The following ENDOD1 variants were observed in gnomAD, a reference collection of about 807,000 sequenced individuals.
ENDOD1 encodes the protein endonuclease domain-containing 1 protein.
A neutral mutation model predicts 6.5 loss-of-function variants in ENDOD1; 9 were observed. The observed-to-expected ratio is 1.39, with a 90% CI of 0.84 to 2.43. The LOEUF (loss-of-function observed/expected upper bound fraction) is 2.43. ENDOD1 is among the 30% of genes most tolerant of loss of function. The probability of loss-of-function intolerance (pLI) is 0.00; values close to 1 mark genes in which losing one functional copy is unlikely to be tolerated. For missense variants in ENDOD1, 648 were observed against 635.5 expected (o/e 1.02, Z -0.21); for synonymous variants, 255 against 255.2 (o/e 1.00, Z 0.01).
At chr11:95,090,668 A>C (rs1858921869) in intron 1 of ENDOD1, among the ~76,000 whole-genome samples, 1 of 152,170 alleles carries the variant, frequency 6.6e-6, no homozygotes, top group Non-Finnish European at 1.5e-5. Flanking sequence ...GTAGGTGGGC[A>C]TTTTCATCCC....
Position 95,090,236 on chromosome 11 carries a change from A to C in ENDOD1, c.300+9A>C, listed in dbSNP as rs747429949. On this transcript the variant is annotated intron_variant, in intron 1 of 1. Coordinates refer to ENST00000278505, the MANE Select transcript of ENDOD1 (RefSeq NM_015036.3). ...GGCTGGTGGAGCCGCAGGTAAGCGAAGTGGTTCCCGAGCCGGGCTGCGGGC... is the reference window on the plus strand; with the variant it reads ...GGCTGGTGGAGCCGCAGGTAAGCGACGTGGTTCCCGAGCCGGGCTGCGGGC... The C allele has an allele frequency of 7.3e-7, 1 of 1,372,242 alleles. No individual in the cohort carries two copies. Among genetic ancestry groups the C allele is most frequent in the Non-Finnish European group, 9.5e-7 (1 of 1,056,376 alleles). 85.0% of individuals were successfully genotyped at this position (1,372,242 alleles called of 1,614,324 possible).
At position 95,129,503 on chromosome 11, in the gene ENDOD1, G is replaced by T. The variant is rs747290260; in HGVS notation, c.1427G>T (p.Gly476Val). 6.2e-7 allele frequency: 1 copy of T among 1,614,174 alleles called. No individual in the cohort carries two copies. The highest frequency in any genetic ancestry group is 1.1e-5 in the South Asian group (1 of 91,090). The change falls in exon 2 of 2, where the codon GGC becomes GTC. Residue 476 changes from glycine to valine, a missense_variant. Gly to Val is a moderately radical substitution (Grantham distance 109). Coordinates refer to ENST00000278505, the MANE Select transcript of ENDOD1 (RefSeq NM_015036.3). Reference sequence around the variant, plus strand: ...GACACTGCTTTTGGTACCCTGGGTGGCCTATTTCAGGTGGTTTTTAGTGTC... The same window carrying T: ...GACACTGCTTTTGGTACCCTGGGTGTCCTATTTCAGGTGGTTTTTAGTGTC... ...LFDTAFGTLG[G>V]LFQVVFSVCK...
chr11:95,128,593 C>CG lies in ENDOD1; in HGVS notation c.519dup (p.Trp174ValfsTer37). The stretch of plus-strand genomic sequence containing the variant: ...CCCAATGACTCAGTCCTTCCAGGAA[C>CG]GGTGGTATGTGAATCTCCACAGCCT... On this transcript the variant is annotated frameshift_variant, in exon 2 of 2. Coordinates refer to ENST00000278505, the MANE Select transcript of ENDOD1 (RefSeq NM_015036.3). LOFTEE classifies it low-confidence loss of function (END_TRUNC). The CG allele has an allele frequency of 6.2e-7, 1 of 1,614,220 alleles. No individual in the cohort carries two copies. The highest frequency in any genetic ancestry group is 8.5e-7 in the Non-Finnish European group (1 of 1,180,042).
In ENDOD1 at chr11:95,128,828, T is replaced by TA. The variant is rs866434825; in HGVS notation, c.756dup (p.Asp253ArgfsTer9). The TA allele has an allele frequency of 6.2e-7, 1 of 1,614,020 alleles. No individual in the cohort carries two copies. Among genetic ancestry groups the TA allele is most frequent in the Non-Finnish European group, 8.5e-7 (1 of 1,180,040 alleles). On this transcript the variant is annotated frameshift_variant, in exon 2 of 2. Coordinates refer to ENST00000278505, the MANE Select transcript of ENDOD1 (RefSeq NM_015036.3). LOFTEE classifies it low-confidence loss of function (END_TRUNC). ...AGTGACATCATAGAAGATGTGATGG[T>TA]AAAAGATCTTCAGAAACTGCTTCCA...
At chr11:95,100,866 T>G (rs1373408865) in intron 1 of ENDOD1, among the ~76,000 whole-genome samples, 2 of 7,306 alleles carry the variant, frequency 2.7e-4, no homozygotes, top group South Asian at 3.5e-3. Flanking sequence ...CTGCTGGGTG[T>G]TTTTTTTTTT....
At chr11:95,097,405 T>C (rs1008848091) in intron 1 of ENDOD1, among the ~76,000 whole-genome samples, 1 of 152,132 alleles carries the variant, frequency 6.6e-6, no homozygotes, top group African/African-American at 2.4e-5. Flanking sequence ...GGCATGAGTG[T>C]GTTGAGGAAG....
intron 1 of ENDOD1, among the ~76,000 whole-genome samples, chr11:95,119,805 G>C (rs1471423929): frequency 6.6e-6 from 1 of 152,150 alleles, no homozygotes; most frequent in African/African-American, 2.4e-5. Context: ...TGGGAGCCAG[G>C]GACTAGAGTC....
chr11:95,112,823 T>C (rs1369103423), intron 1 of ENDOD1, among the ~76,000 whole-genome samples: 3 of 152,236 alleles, frequency 2.0e-5, no homozygotes, highest in Admixed American at 6.5e-5. Flanking sequence ...ATGCTGTTGC[T>C]TTTCTTTTGA....
chr11:95,095,269 A>G (rs1405021319), intron 1 of ENDOD1, among the ~76,000 whole-genome samples: 2 of 151,272 alleles, frequency 1.3e-5, no homozygotes, highest in East Asian at 3.9e-4. Flanking sequence ...TGAGTGATTA[A>G]AAGCAAAAAC....
intron 1 of ENDOD1, among the ~76,000 whole-genome samples, chr11:95,099,513 C>T (rs531089663): frequency 2.0e-5 from 3 of 152,240 alleles, no homozygotes; most frequent in African/African-American, 7.2e-5. Context: ...ATCCATCATC[C>T]AGCCCTAGTC....
At chr11:95,102,838 T>C (rs1490287698) in intron 1 of ENDOD1, among the ~76,000 whole-genome samples, 1 of 152,226 alleles carries the variant, frequency 6.6e-6, no homozygotes, top group Non-Finnish European at 1.5e-5. Flanking sequence ...AGGGTGAATT[T>C]TGCCAGTTGG....
chr11:95,122,887 T>A (rs1351144419), intron 1 of ENDOD1, among the ~76,000 whole-genome samples: 2 of 152,140 alleles, frequency 1.3e-5, no homozygotes. Context: ...TCAGTTAGTA[T>A]GGTATTAAAA....
intron 1 of ENDOD1, among the ~76,000 whole-genome samples, chr11:95,109,067 AC>A (rs1423466683): frequency 4.6e-5 from 7 of 152,212 alleles, no homozygotes; most frequent in Non-Finnish European, 8.8e-5. Context: ...AAATGGGAAC[AC>A]CCACTGTTCA....
intron 1 of ENDOD1, among the ~76,000 whole-genome samples, chr11:95,098,340 G>A (rs1399805282): frequency 2.0e-5 from 3 of 152,128 alleles, no homozygotes; most frequent in African/African-American, 7.2e-5. Context: ...TTCATATTAA[G>A]TTTTCTTAAT....
chr11:95,097,531 AT>A (rs1858998173), intron 1 of ENDOD1, among the ~76,000 whole-genome samples: 1 of 152,174 alleles, frequency 6.6e-6, no homozygotes, highest in Non-Finnish European at 1.5e-5. Context: ...TTTGTAAAAT[AT>A]TGGGGTTTTA....
At position 95,089,951 on chromosome 11, in the gene ENDOD1, G is replaced by T; in HGVS notation, c.24G>T (p.Ala8=). The part of the protein sequence containing the change: MGTARWL[A]LGSLFALAGL... ...CCATGGGCACCGCGCGCTGGCTCGC[G>T]CTGGGCAGCCTCTTCGCCCTGGCTG... Residue 8 remains alanine, a synonymous_variant, in exon 1 of 2, where the codon GCG becomes GCT. Coordinates refer to ENST00000278505, the MANE Select transcript of ENDOD1 (RefSeq NM_015036.3). 6.7e-7 allele frequency: 1 copy of T among 1,481,984 alleles called. No individual in the cohort carries two copies. The highest frequency in any genetic ancestry group is 1.7e-4 in the Middle Eastern group (1 of 5,734). The allele number at this position is 1,481,984 out of a possible 1,614,324, so 91.8% of individuals were successfully genotyped here. A position where few individuals can be genotyped will look rare whatever the true frequency, so the allele number is the denominator to read the frequency against.
intron 1 of ENDOD1, among the ~76,000 whole-genome samples, chr11:95,106,924 C>A (rs112762223): frequency 2.0e-4 from 30 of 152,110 alleles, no homozygotes; most frequent in Admixed American, 7.2e-4. Flanking sequence ...TGGTGAAGAA[C>A]AGGAGTCTGC....
intron 1 of ENDOD1, among the ~76,000 whole-genome samples, chr11:95,113,879 T>C (rs1289496499): frequency 2.0e-5 from 3 of 152,236 alleles, no homozygotes; most frequent in African/African-American, 7.2e-5. Flanking sequence ...TAATTTACTT[T>C]CCCACCAACA....
intron 1 of ENDOD1, among the ~76,000 whole-genome samples, chr11:95,124,946 T>TCTCTC (rs1859297269): frequency 9.2e-5 from 14 of 152,164 alleles, no homozygotes; most frequent in Admixed American, 9.2e-4. Context: ...CTTGGTCTCT[T>TCTCTC]ACACATGCCA....
Sources: allele counts gnomAD v4.1 joint callset (sites outside exome capture counted in the v4.1 genomes callset), GRCh38; gene constraint gnomAD v4.1.1; transcripts MANE v1.5; gene names NCBI Gene and HGNC (gene_info 2026-07-23, HGNC 2026-07-21).